The following ZNF566 variants were observed in gnomAD, a reference collection of about 807,000 sequenced individuals.
The protein encoded by ZNF566 is zinc finger protein 566.
ZNF566 carries 27 observed loss-of-function variants against 32.8 expected under a neutral mutation model. The ratio of observed to expected loss-of-function variants is 0.82; its 90% CI spans 0.61 to 1.14. ZNF566 has a LOEUF of 1.14. ZNF566 is among the 50% of genes most tolerant of loss of function. The pLI is 0.00. For synonymous variants in ZNF566, 154 were observed against 159.5 expected, an observed-to-expected ratio of 0.97 and a Z score of 0.26; for missense variants, 402 against 490.4, an observed-to-expected ratio of 0.82 and a Z score of 1.70.
rs776157590 is a variant in ZNF566, at chr19:36,449,944, A to G, written c.290T>C (p.Ile97Thr). 1 of 1,611,482 alleles carries G rather than the reference A, an allele frequency of 6.2e-7. No homozygotes were observed. Among genetic ancestry groups the G allele is most frequent in the Admixed American group, 1.7e-5 (1 of 59,528 alleles). Residue 97 changes from isoleucine to threonine, a missense_variant, in exon 5 of 5, where the codon ATA (isoleucine) becomes ACA (threonine). This residue lies in a region of ZNF566 where 220 missense variants were observed against 241.9 expected (regional missense o/e 0.91). Transcript: ENST00000452939. ...KLFLKKEIYE[I>T]ESTQWEIMEK... ...CATTATTTCCCACTGGGTTGATTCT[A>G]TTTCATAAATTTCTTTCTTCAGAAA...
intron 1 of ZNF566, among the ~76,000 whole-genome samples, chr19:36,478,583 G>A (rs1352280399): frequency 6.7e-6 from 1 of 148,950 alleles, no homozygotes; most frequent in Non-Finnish European, 1.5e-5. Flanking sequence ...CAGGGGATCT[G>A]CTCCTCTCTT....
chr19:36,462,117 T>G (rs1337119328), intron 4 of ZNF566, among the ~76,000 whole-genome samples: 1 of 151,430 alleles, frequency 6.6e-6, no homozygotes, highest in African/African-American at 2.4e-5. Context: ...GCCTCCCGAG[T>G]AGCTGGGATT....
chr19:36,464,575 G>T (rs1487247516), intron 4 of ZNF566, among the ~76,000 whole-genome samples: 6 of 152,130 alleles, frequency 3.9e-5, no homozygotes, highest in Non-Finnish European at 8.8e-5. Flanking sequence ...ATTCTTGGGA[G>T]TTCGAGATCA....
At position 36,449,828 on chromosome 19, in the gene ZNF566, CCT is replaced by C. The variant is rs769058682; in HGVS notation, c.404_405del (p.Gln135ArgfsTer12). 4 of 1,614,134 alleles carry C rather than the reference CCT, an allele frequency of 2.5e-6. No homozygotes were observed. The highest frequency in any genetic ancestry group is 2.2e-5 in the East Asian group (1 of 44,878). On this transcript the variant is annotated frameshift_variant, in exon 5 of 5. Transcript: ENST00000452939. LOFTEE classifies it high-confidence loss of function. Reference sequence around the variant, plus strand: ...AATACCAATTGATTGAAATGTCCCCCCTGAGAGCCGAGTTCTTTCTTAAACTG... The same window carrying C: ...AATACCAATTGATTGAAATGTCCCCCGAGAGCCGAGTTCTTTCTTAAACTG... The part of the protein sequence containing the change: ...NRQFKKELGS[Q>X]GGHFNQLVFT...
rs1408014056 is a variant in ZNF566 at position 36,447,468 on chromosome 19, C to A, written c.*1509G>T. 1.3e-5 allele frequency: 2 copies of A among 152,124 alleles called. No individual in the cohort carries two copies. The allele number at this position is 152,124 out of a possible 1,614,324, so 9.4% of individuals were successfully genotyped here. A position where few individuals can be genotyped will look rare whatever the true frequency, so the allele number is the denominator to read the frequency against. ...AGAGTCTTTGAAGAGTCCTAATTTTCTTGGAGTCAATATTGATGTATATTT... is the reference window on the plus strand; with the variant it reads ...AGAGTCTTTGAAGAGTCCTAATTTTATTGGAGTCAATATTGATGTATATTT... On this transcript the variant is annotated 3_prime_UTR_variant, in exon 5 of 5. Transcript: ENST00000452939.
intron 1 of ZNF566, among the ~76,000 whole-genome samples, chr19:36,483,363 C>T (rs997803245): frequency 3.9e-5 from 6 of 152,172 alleles, no homozygotes; most frequent in Middle Eastern, 3.2e-3. Flanking sequence ...GCAATAAGCA[C>T]ACCAAGTGCC....
intron 4 of ZNF566, among the ~76,000 whole-genome samples, chr19:36,464,687 T>C (rs899080260): frequency 4.0e-5 from 6 of 151,872 alleles, no homozygotes; most frequent in African/African-American, 1.5e-4. Flanking sequence ...GGTGGGAGGA[T>C]CACCTGAGCC....
chr19:36,459,756 C>T (rs2033413025), intron 4 of ZNF566, among the ~76,000 whole-genome samples: 2 of 151,794 alleles, frequency 1.3e-5, no homozygotes. Context: ...GGTGATCCAC[C>T]CGCCTCGGCC....
At position 36,449,797 on chromosome 19, in the gene ZNF566, T is replaced by C. The variant is rs746118310; in HGVS notation, c.437A>G (p.His146Arg). 1.9e-6 allele frequency: 3 copies of C among 1,614,194 alleles called. No individual in the cohort carries two copies. Among genetic ancestry groups the C allele is most frequent in the Non-Finnish European group, 2.5e-6 (3 of 1,180,020 alleles). ...GGHFNQLVFT[H>R]EDLPTLSHHP... ...GTGACTCAAAGTGGGCAGATCTTCA[T>C]GAGTGAATACCAATTGATTGAAATG... The change falls in exon 5 of 5, where the codon CAT becomes CGT. Residue 146 changes from histidine (H) to arginine (R), a missense_variant. Transcript: ENST00000452939.
In ZNF566 at chr19:36,488,838, CG is replaced by C. The variant is rs1305934913; in HGVS notation, c.-60+647del. On this transcript the variant is annotated intron_variant, in intron 1 of 4. Coordinates refer to ENST00000452939, the MANE Select transcript of ZNF566 (RefSeq NM_001145344.1). ...GGAGTATAATGCCTAGAGAAGTATA[CG>C]TAAGTGATAAAACCTCACACTGTGT... 3.3e-5 allele frequency among the ~76,000 whole-genome samples: 5 copies of C among 152,218 alleles called. No individual in the cohort carries two copies. In the East Asian group the frequency reaches 9.7e-4, roughly 29 times the overall value.
chr19:36,485,271 C>CAAAAA (rs748231707), intron 1 of ZNF566, among the ~76,000 whole-genome samples: 1 of 81,944 alleles, frequency 1.2e-5, no homozygotes, highest in Non-Finnish European at 2.5e-5. Context: ...GCTATCTCTA[C>CAAAAA]AAAAAAAAAA....
rs114480108 is a variant in ZNF566 at position 36,451,481 on chromosome 19, G to A, written c.233-1480C>T. ...TGACTGACTGGCAGAAAAGACATTT[G>A]TAGGTTCAAGAGAAGGGGAGAGAGT... On this transcript the variant is annotated intron_variant, in intron 4 of 4. Transcript: ENST00000452939. 5.1e-3 allele frequency among the ~76,000 whole-genome samples: 778 copies of A among 152,266 alleles called. 8 individuals carry two copies. Among genetic ancestry groups the A allele is most frequent in the African/African-American group, 0.018 (739 of 41,542 alleles).
intron 1 of ZNF566, among the ~76,000 whole-genome samples, chr19:36,477,738 A>T (rs1042668109): frequency 1.3e-5 from 2 of 151,678 alleles, no homozygotes; most frequent in Non-Finnish European, 2.9e-5. Flanking sequence ...GGGTTTCACC[A>T]TGTTGGCCAG....
Position 36,473,400 on chromosome 19 carries a change from A to T in ZNF566, c.68T>A (p.Leu23Gln). 1.2e-6 allele frequency: 2 copies of T among 1,613,754 alleles called. No individual in the cohort carries two copies. The highest frequency in any genetic ancestry group is 1.7e-6 in the Non-Finnish European group (2 of 1,179,776). ...GTATAAATCTCTCTGATCATCATTC[A>T]GGCATTCCCACTCCTCCTGAGAGAA... ...VDFSQEEWECLNDDQRDLYRD... is the reference protein window; with the variant it reads ...VDFSQEEWECQNDDQRDLYRD... Residue 23 changes from leucine (L) to glutamine (Q), a missense_variant, in exon 3 of 5, where the codon CTG becomes CAG. Physicochemically the swap from Leu to Gln is moderately radical, Grantham distance 113. Transcript: ENST00000452939.
At chr19:36,463,334 C>T (rs1398538050) in intron 4 of ZNF566, among the ~76,000 whole-genome samples, 1 of 151,486 alleles carries the variant, frequency 6.6e-6, no homozygotes, top group African/African-American at 2.4e-5. Context: ...TTGTAGACCC[C>T]CAAAAATATA....
intron 1 of ZNF566, among the ~76,000 whole-genome samples, chr19:36,485,271 C>CAA (rs748231707): frequency 2.7e-3 from 219 of 81,908 alleles, no homozygotes; most frequent in African/African-American, 6.0e-3. Context: ...GCTATCTCTA[C>CAA]AAAAAAAAAA....
Position 36,449,785 on chromosome 19 carries a change from GGC to G in ZNF566, c.447_448del (p.Pro150HisfsTer15), listed in dbSNP as rs2033100384. 6.2e-7 allele frequency: 1 copy of G among 1,613,972 alleles called. No homozygotes were observed. Among genetic ancestry groups the G allele is most frequent in the Non-Finnish European group, 8.5e-7 (1 of 1,180,008 alleles). ...GAAGGATGGATGGTGACTCAAAGTG[GGC>G]AGATCTTCATGAGTGAATACCAATT... On this transcript the variant is annotated frameshift_variant, in exon 5 of 5. Transcript: ENST00000452939. LOFTEE classifies it high-confidence loss of function.
At chr19:36,473,227 AT>A (rs1568525992) in intron 3 of ZNF566, 104 bp downstream of exon 3, 2 of 1,378,940 alleles carry the variant, frequency 1.5e-6, no homozygotes, top group Admixed American at 1.8e-5. Flanking sequence ...GTGGAACAGG[AT>A]ATCAAAATTC....
chr19:36,455,772 GGCT>G (rs2033288758), intron 4 of ZNF566, among the ~76,000 whole-genome samples: 1 of 150,310 alleles, frequency 6.7e-6, no homozygotes, highest in East Asian at 2.0e-4. Context: ...CTCATGCAGT[GGCT>G]TATGCCTGTA....
Sources: allele counts gnomAD v4.1 joint callset (sites outside exome capture counted in the v4.1 genomes callset), GRCh38; gene constraint gnomAD v4.1.1; regional missense constraint gnomAD v4.1.1; transcripts MANE v1.5; gene names NCBI Gene and HGNC (gene_info 2026-07-23, HGNC 2026-07-21).